The following RHOT2 variants were observed in gnomAD, a reference collection of about 807,000 sequenced individuals.
The protein encoded by RHOT2 is ras homolog family member T2.
RHOT2 carries 90 observed loss-of-function variants against 81.6 expected under a neutral mutation model. The observed-to-expected ratio is 1.10, with a 90% CI of 0.93 to 1.31. The LOEUF (loss-of-function observed/expected upper bound fraction) is 1.31, where lower values mean the gene tolerates loss of function less well. RHOT2 is among the 40% of genes most tolerant of loss of function. RHOT2 has a pLI of 0.00. For missense variants in RHOT2, 1,014 were observed against 841.9 expected (o/e 1.20, Z -2.53); for synonymous variants, 512 against 370.9 (o/e 1.38, Z -4.37).
At chr16:673,263 G>T (rs1277240713) in intron 18 of RHOT2, 133 bp downstream of exon 18, 5 of 1,274,176 alleles carry the variant, frequency 3.9e-6, no homozygotes, top group African/African-American at 1.5e-5. Context: ...GTGGCGTCAG[G>T]CCTGGAACTG....
chr16:670,923 A>G lies in RHOT2; in HGVS notation c.671A>G (p.Gln224Arg), dbSNP rs764756584. 17 of 1,566,252 alleles carry G rather than the reference A, an allele frequency of 1.1e-5. No homozygotes were observed. In the Middle Eastern group the frequency reaches 6.9e-4, roughly 63 times the overall value. Residue 224 changes from glutamine (Q) to arginine (R), a missense_variant, in exon 10 of 19, where the codon CAG becomes CGG. Transcript: ENST00000315082. ...TGCTTTGGGCACCCCCTGGCCCCGC[A>G]GGCCCTGGAGGACGTGAAGACGGTG... ...KSCFGHPLAP[Q>R]ALEDVKTVVC...
intron 5 of RHOT2, chr16:669,873 G>A: frequency 1.6e-6 from 1 of 613,136 alleles, no homozygotes; most frequent in East Asian, 2.8e-5. Flanking sequence ...CCCGCAGAGG[G>A]CCTGCGTTGG....
In RHOT2 at chr16:673,706, CG is replaced by C; in HGVS notation, c.*103del. 2 of 1,444,464 alleles carry C rather than the reference CG, an allele frequency of 1.4e-6. No individual in the cohort carries two copies. Among genetic ancestry groups the C allele is most frequent in the Admixed American group, 2.3e-5 (1 of 43,858 alleles). The allele number at this position is 1,444,464 out of a possible 1,614,324, so 89.5% of individuals were successfully genotyped here. A position where few individuals can be genotyped will look rare whatever the true frequency, so the allele number is the denominator to read the frequency against. On this transcript the variant is annotated 3_prime_UTR_variant, in exon 19 of 19. Transcript: ENST00000315082. Reference sequence around the variant, plus strand: ...TGGGGTGCAGGCCAGGCTGCCACTCCGGGAACGCCTTTGCGCCGGGACTTTT... The same window carrying C: ...TGGGGTGCAGGCCAGGCTGCCACTCCGGAACGCCTTTGCGCCGGGACTTTT...
rs1022540942 is a variant in RHOT2 at position 673,861 on chromosome 16, T to G, written c.*255T>G. 3 of 612,340 alleles carry G rather than the reference T, an allele frequency of 4.9e-6. No homozygotes were observed. The highest frequency in any genetic ancestry group is 8.9e-6 in the Non-Finnish European group (3 of 337,058). 37.9% of individuals were successfully genotyped at this position (612,340 alleles called of 1,614,324 possible). A position where few individuals can be genotyped will look rare whatever the true frequency, so the allele number is the denominator to read the frequency against. ...AGCTCCCAAGTGCCGGCCACCGCTG[T>G]CAGGGATTGCCCACCCCTGGGCATC... On this transcript the variant is annotated 3_prime_UTR_variant, in exon 19 of 19. Coordinates refer to ENST00000315082, the MANE Select transcript of RHOT2 (RefSeq NM_138769.3).
At chr16:669,512 C>A (rs976238497) in intron 4 of RHOT2, 41 bp from the exon 5 acceptor site, 4 of 1,603,510 alleles carry the variant, frequency 2.5e-6, no homozygotes, top group Non-Finnish European at 3.4e-6. Flanking sequence ...CGGTGGTGAG[C>A]CAGCAGCCCT....
chr16:668,264 C>G (rs781490349), intron 1 of RHOT2, 28 bp downstream of exon 1: 3 of 928,470 alleles, frequency 3.2e-6, no homozygotes, highest in African/African-American at 1.7e-5. Context: ...GGTCTCGGAG[C>G]TGCGGCGGCC....
intron 1 of RHOT2, 23 bp downstream of exon 1, chr16:668,259 C>A: frequency 1.1e-6 from 1 of 881,778 alleles, no homozygotes; most frequent in Non-Finnish European, 1.6e-6. Context: ...CCGGGGGTCT[C>A]GGAGCTGCGG....
chr16:672,220 T>G, intron 14 of RHOT2, 34 bp from the exon 15 acceptor site: 1 of 1,612,076 alleles, frequency 6.2e-7, no homozygotes, highest in Non-Finnish European at 8.5e-7. Flanking sequence ...CCCAGTATCC[T>G]GGCAGCTGCC....
rs767700303 is a variant in RHOT2 at position 672,716 on chromosome 16, G to GCA, written c.1421_1422dup (p.Asp475GlnfsTer18). 6.2e-7 allele frequency: 1 copy of GCA among 1,612,260 alleles called. No individual in the cohort carries two copies. Among genetic ancestry groups the GCA allele is most frequent in the South Asian group, 1.1e-5 (1 of 91,090 alleles). ...TGTCTGTCCCAGCTCTGTGAGGTGG[G>GCA]CACAGATGGTCTGCTGGCCACATCG... On this transcript the variant is annotated frameshift_variant, in exon 17 of 19. Coordinates refer to ENST00000315082, the MANE Select transcript of RHOT2 (RefSeq NM_138769.3). LOFTEE classifies it high-confidence loss of function.
chr16:674,107 A>G lies in RHOT2; in HGVS notation c.*501A>G. ...GACCGGAGGTTGGGTTCCTGATTAA[A>G]CTTCACTGTGTGTTTTCTATCTCGG... On this transcript the variant is annotated 3_prime_UTR_variant, in exon 19 of 19. Coordinates refer to ENST00000315082, the MANE Select transcript of RHOT2 (RefSeq NM_138769.3). 1 of 201,504 alleles carries G rather than the reference A, an allele frequency of 5.0e-6. No homozygotes were observed. The highest frequency in any genetic ancestry group is 6.1e-5 in the South Asian group (1 of 16,332). The allele number at this position is 201,504 out of a possible 1,614,324, so 12.5% of individuals were successfully genotyped here.
intron 4 of RHOT2, chr16:669,221 C>G (rs111438558): frequency 2.2e-5 from 10 of 461,606 alleles, no homozygotes; most frequent in South Asian, 1.5e-4. Context: ...CAGGTGTGGC[C>G]GTGTCTGTCC....
intron 12 of RHOT2, 34 bp from the exon 13 acceptor site, chr16:671,826 C>T (rs750058052): frequency 1.1e-5 from 17 of 1,604,394 alleles, no homozygotes; most frequent in African/African-American, 8.0e-5. Flanking sequence ...GCCCCCTCCC[C>T]GGCACACACA....
chr16:670,586 G>C, intron 8 of RHOT2, 29 bp downstream of exon 8: 1 of 1,596,740 alleles, frequency 6.3e-7, no homozygotes, highest in Non-Finnish European at 8.6e-7. Flanking sequence ...CCCGCACGCT[G>C]GTTCCCCAGG....
At chr16:668,262 A>G (rs1328395475) in intron 1 of RHOT2, 26 bp downstream of exon 1, 3 of 895,058 alleles carry the variant, frequency 3.4e-6, no homozygotes, top group Non-Finnish European at 4.6e-6. Flanking sequence ...GGGGTCTCGG[A>G]GCTGCGGCGG....
At chr16:668,838 G>T (rs944574036) in intron 4 of RHOT2, 139 bp downstream of exon 4, 22 of 926,988 alleles carry the variant, frequency 2.4e-5, no homozygotes, top group Non-Finnish European at 3.4e-5. Context: ...GAGGGTTGTC[G>T]GGGCCCCTAC....
chr16:670,222 C>T, intron 6 of RHOT2, 27 bp from the exon 7 acceptor site: 2 of 1,611,962 alleles, frequency 1.2e-6, no homozygotes, highest in Non-Finnish European at 1.7e-6. Flanking sequence ...CTCCCCTGCC[C>T]CTGGTGACCA....
chr16:671,371 G>A (rs1400120613), intron 11 of RHOT2, 168 bp downstream of exon 11: 2 of 902,684 alleles, frequency 2.2e-6, no homozygotes, highest in Non-Finnish European at 3.2e-6. Context: ...GCCTGGCTGT[G>A]CCCTGAACCC....
chr16:670,437 G>A lies in RHOT2; in HGVS notation c.439-19G>A, dbSNP rs1163259881. ...GCCCTCCTCGGGGCACTTCCCTGAGGCTGTTCCCACTTTCCCAGTGTTCGG... is the reference window on the plus strand; with the variant it reads ...GCCCTCCTCGGGGCACTTCCCTGAGACTGTTCCCACTTTCCCAGTGTTCGG... On this transcript the variant is annotated intron_variant, in intron 7 of 18. Coordinates refer to ENST00000315082, the MANE Select transcript of RHOT2 (RefSeq NM_138769.3). 2.5e-6 allele frequency: 4 copies of A among 1,606,274 alleles called. No individual in the cohort carries two copies. In the Admixed American group the frequency reaches 5.1e-5, roughly 20 times the overall value.
chr16:672,329 C>T lies in RHOT2; in HGVS notation c.1271C>T (p.Ala424Val). The T allele has an allele frequency of 6.2e-7, 1 of 1,612,322 alleles. No individual in the cohort carries two copies. Among genetic ancestry groups the T allele is most frequent in the Non-Finnish European group, 8.5e-7 (1 of 1,179,720 alleles). Residue 424 changes from alanine to valine, a missense_variant, in exon 15 of 19, where the codon GCC (alanine) becomes GTC (valine). By Grantham distance (64) the Ala-to-Val change is moderately conservative. Coordinates refer to ENST00000315082, the MANE Select transcript of RHOT2 (RefSeq NM_138769.3). The part of the protein sequence containing the change: ...RSVLLCKVVG[A>V]RGVGKSAFLQ... ...GTCCTCCTGTGCAAGGTGGTAGGGG[C>T]CCGTGGAGTGGGCAAGTCTGCCTTC... is the stretch of plus-strand genomic sequence containing the variant.
Sources: gnomAD v4.1 joint callset for allele counts on GRCh38, gnomAD v4.1.1 for gene constraint, MANE v1.5 for transcripts, NCBI Gene and HGNC (gene_info 2026-07-23, HGNC 2026-07-21) for gene names.